Variants in KCNQ1 observed in about 807,000 individuals in gnomAD.
KCNQ1 encodes potassium voltage-gated channel subfamily Q member 1.
KCNQ1 carries 49 observed loss-of-function variants against 72.4 expected under a neutral mutation model. The ratio of observed to expected loss-of-function variants is 0.68; its 90% CI spans 0.54 to 0.86. The LOEUF is 0.86. Among genes scored for constraint, KCNQ1 ranks in the 40% least tolerant of loss-of-function variants. The pLI, the probability that KCNQ1 is intolerant of heterozygous loss-of-function variation, is 0.00. For synonymous variants in KCNQ1, 450 were observed against 412.6 expected (o/e 1.09, Z -1.10); for missense variants, 790 against 945.1 (o/e 0.84, Z 2.15).
At chr11:2,500,205 C>T (rs1379071933) in intron 1 of KCNQ1, among the ~76,000 whole-genome samples, 1 of 152,004 alleles carries the variant, frequency 6.6e-6, no homozygotes, top group Non-Finnish European at 1.5e-5. Context: ...GTTTGTAGTT[C>T]TCCTTGAAGA....
rs776978576 is a variant in KCNQ1 at position 2,631,425 on chromosome 11, T to TG, written c.1394-30535dup. ...CTATATTCTTCACCTCCAAAATGTTTGTTTTTTTTTTAGGATTTCTATTTC... is the reference window on the plus strand; with the variant it reads ...CTATATTCTTCACCTCCAAAATGTTTGGTTTTTTTTTTAGGATTTCTATTTC... On this transcript the variant is annotated intron_variant, in intron 10 of 15. Transcript: ENST00000155840. The TG allele has an allele frequency of 4.2e-4, 168 of 398,158 alleles. No homozygotes were observed. Among genetic ancestry groups the TG allele is most frequent in the Admixed American group, 7.5e-4 (17 of 22,694 alleles). The allele number at this position is 398,158 out of a possible 1,614,324, so 24.7% of individuals were successfully genotyped here.
intron 15 of KCNQ1, among the ~76,000 whole-genome samples, chr11:2,814,299 A>G (rs576427529): frequency 6.7e-4 from 96 of 142,416 alleles, no homozygotes; most frequent in Admixed American, 4.8e-4. Flanking sequence ...GGATGGATGG[A>G]TGGATAGATG....
At position 2,617,416 on chromosome 11, in the gene KCNQ1, T is replaced by G. The variant is rs572284450; in HGVS notation, c.1393+28562T>G. On this transcript the variant is annotated intron_variant, in intron 10 of 15. Coordinates refer to ENST00000155840, the MANE Select transcript of KCNQ1 (RefSeq NM_000218.3). The surrounding 1 kb of genome is among the most constrained non-coding windows in gnomAD (Gnocchi z 4.6). ...CAAGTGGCAGGATCTCCTTTTTTAATGCGGAATAATATTCCATTGTAGACA... is the reference window on the plus strand; with the variant it reads ...CAAGTGGCAGGATCTCCTTTTTTAAGGCGGAATAATATTCCATTGTAGACA... The G allele has an allele frequency of 7.5e-6, 3 of 398,496 alleles. No homozygotes were observed. The highest frequency in any genetic ancestry group is 1.3e-5 in the Non-Finnish European group (3 of 225,966). The allele number at this position is 398,496 out of a possible 1,614,324, so 24.7% of individuals were successfully genotyped here.
In KCNQ1 at chr11:2,450,432, C is replaced by G. The variant is rs1037913266; in HGVS notation, c.386+4948C>G. Among the ~76,000 whole-genome samples, 1 of 152,168 alleles carries G rather than the reference C, an allele frequency of 6.6e-6. No individual in the cohort carries two copies. The highest frequency in any genetic ancestry group is 1.5e-5 in the Non-Finnish European group (1 of 68,018). On this transcript the variant is annotated intron_variant, in intron 1 of 15. Transcript: ENST00000155840. This position sits in a 1 kb window ranked among gnomAD's most constrained non-coding sequence, Gnocchi z 7.9. ...GAGGGGAGAATGAGGCAATGAATAT[C>G]ACCATCCTGGGCCACTTTGACCCAG...
Position 2,633,961 on chromosome 11 carries a change from A to G in KCNQ1, c.1394-28000A>G, listed in dbSNP as rs562519737. The G allele has an allele frequency of 1.8e-5, 7 of 398,592 alleles. No homozygotes were observed. In the East Asian group the frequency reaches 2.5e-4, roughly 14 times the overall value. 24.7% of individuals were successfully genotyped at this position (398,592 alleles called of 1,614,324 possible). On this transcript the variant is annotated intron_variant, in intron 10 of 15. Coordinates refer to ENST00000155840, the MANE Select transcript of KCNQ1 (RefSeq NM_000218.3). ...GGAAAATCCACGTATAAATGAACCT[A>G]TACAGTTCAAATCTATGTTGTTGAA...
rs922741227 is a variant in KCNQ1 at position 2,602,748 on chromosome 11, A to C, written c.1393+13894A>C. Among the ~76,000 whole-genome samples the C allele has an allele frequency of 1.3e-5, 2 of 152,030 alleles. No individual in the cohort carries two copies. Among genetic ancestry groups the C allele is most frequent in the Non-Finnish European group, 2.9e-5 (2 of 68,004 alleles). On this transcript the variant is annotated intron_variant, in intron 10 of 15. Transcript: ENST00000155840. The surrounding 1 kb of genome is among the most constrained non-coding windows in gnomAD (Gnocchi z 4.8). The stretch of plus-strand genomic sequence containing the variant: ...ATGCAGTGAAATTCTTGTTGATATC[A>C]TTTTTCCATTTCCCAATTAGACTTT...
intron 15 of KCNQ1, among the ~76,000 whole-genome samples, chr11:2,839,117 G>A (rs1227852059): frequency 6.6e-6 from 1 of 152,218 alleles, no homozygotes; most frequent in Non-Finnish European, 1.5e-5. Flanking sequence ...CCGGGCTAGG[G>A]ATAGGCCAGC....
chr11:2,630,515 G>C (rs1292410692), intron 10 of KCNQ1: 2 of 398,002 alleles, frequency 5.0e-6, no homozygotes, highest in Non-Finnish European at 8.9e-6. Flanking sequence ...ATGCCCCAAG[G>C]TACACCTTTT....
intron 15 of KCNQ1, among the ~76,000 whole-genome samples, chr11:2,800,467 G>T (rs551889965): frequency 6.6e-6 from 1 of 152,170 alleles, no homozygotes; most frequent in African/African-American, 2.4e-5. Flanking sequence ...GCCTCACCTC[G>T]GCCCAAACCT....
At position 2,734,741 on chromosome 11, in the gene KCNQ1, C is replaced by G. The variant is rs1590059758; in HGVS notation, c.1515-34103C>G. On this transcript the variant is annotated intron_variant, in intron 11 of 15. Coordinates refer to ENST00000155840, the MANE Select transcript of KCNQ1 (RefSeq NM_000218.3). This position sits in a 1 kb window ranked among gnomAD's most constrained non-coding sequence, Gnocchi z 7.0. ...GTAATCCTGGAAGCTGCTATGTAGA[C>G]AGAAGCGAGGGCAAGACCACCGCTC... Among the ~76,000 whole-genome samples, 2 of 151,768 alleles carry G rather than the reference C, an allele frequency of 1.3e-5. No homozygotes were observed. Among genetic ancestry groups the G allele is most frequent in the East Asian group, 3.9e-4 (2 of 5,152 alleles).
chr11:2,763,350 G>A (rs1846440136), intron 11 of KCNQ1, among the ~76,000 whole-genome samples: 1 of 149,528 alleles, frequency 6.7e-6, no homozygotes, highest in Non-Finnish European at 1.5e-5. Context: ...GATCACTTGA[G>A]CCCAGGAGTT....
chr11:2,461,895 T>TG (rs1230769726), intron 1 of KCNQ1: 2 of 435,688 alleles, frequency 4.6e-6, no homozygotes, highest in Non-Finnish European at 4.2e-6. Flanking sequence ...GAGAAATGGA[T>TG]GGGGCATGCT....
chr11:2,732,845 C>T (rs886910205), intron 11 of KCNQ1, among the ~76,000 whole-genome samples: 6 of 152,220 alleles, frequency 3.9e-5, no homozygotes, highest in South Asian at 2.1e-4. Flanking sequence ...GGAGGGGACC[C>T]CTGCCCTGGC....
In KCNQ1 at chr11:2,809,324, G is replaced by A. The variant is rs1194629868; in HGVS notation, c.1794+31287G>A. 2.0e-5 allele frequency among the ~76,000 whole-genome samples: 3 copies of A among 152,136 alleles called. No individual in the cohort carries two copies. Among genetic ancestry groups the A allele is most frequent in the East Asian group, 1.9e-4 (1 of 5,196 alleles). On this transcript the variant is annotated intron_variant, in intron 15 of 15. Coordinates refer to ENST00000155840, the MANE Select transcript of KCNQ1 (RefSeq NM_000218.3). The surrounding 1 kb of genome is among the most constrained non-coding windows in gnomAD (Gnocchi z 7.1). ...GGTTAAGGAAAATAAAATGTGGGAC[G>A]CTGGACTCATCGTGGGTTTTTGCGG...
intron 2 of KCNQ1, among the ~76,000 whole-genome samples, chr11:2,553,554 A>T (rs1056869595): frequency 6.6e-6 from 1 of 152,172 alleles, no homozygotes; most frequent in African/African-American, 2.4e-5. Flanking sequence ...TCTCAATCAA[A>T]TTCTTTCTTA....
intron 2 of KCNQ1, 47 bp from the exon 3 acceptor site, chr11:2,570,581 T>C (rs1343183199): frequency 6.2e-7 from 1 of 1,607,366 alleles, no homozygotes; most frequent in Non-Finnish European, 8.5e-7. Flanking sequence ...CTGAAGCCAC[T>C]CAAGGCCGAG....
intron 2 of KCNQ1, 152 bp downstream of exon 2, chr11:2,528,170 GC>G: frequency 1.3e-6 from 1 of 742,600 alleles, no homozygotes; most frequent in Non-Finnish European, 2.4e-6. Context: ...CACCTCCCCA[GC>G]CCCCACACTT....
intron 15 of KCNQ1, among the ~76,000 whole-genome samples, chr11:2,802,044 G>A (rs148780890): frequency 2.0e-5 from 3 of 152,348 alleles, no homozygotes; most frequent in Non-Finnish European, 2.9e-5. Flanking sequence ...AGGCGATTTC[G>A]CCAGCTGCGG....
At position 2,687,570 on chromosome 11, in the gene KCNQ1, CCT is replaced by C. The variant is rs1850512262; in HGVS notation, c.1514+25490_1514+25491del. On this transcript the variant is annotated intron_variant, in intron 11 of 15. Coordinates refer to ENST00000155840, the MANE Select transcript of KCNQ1 (RefSeq NM_000218.3). This position sits in a 1 kb window ranked among gnomAD's most constrained non-coding sequence, Gnocchi z 5.0. Reference sequence around the variant, plus strand: ...CTACCACAGCCCACTCTGATGACCCCCTGTCAAGGAGGTGTGACTGAGAAAGG... The same window carrying C: ...CTACCACAGCCCACTCTGATGACCCCGTCAAGGAGGTGTGACTGAGAAAGG... 10 of 398,746 alleles carry C rather than the reference CCT, an allele frequency of 2.5e-5. No homozygotes were observed. The highest frequency in any genetic ancestry group is 1.1e-4 in the East Asian group (3 of 28,084). The allele number at this position is 398,746 out of a possible 1,614,324, so 24.7% of individuals were successfully genotyped here.
Sources: gnomAD v4.1 joint callset for allele counts (sites outside exome capture counted in the v4.1 genomes callset) on GRCh38, gnomAD v4.1.1 for gene constraint, Gnocchi (gnomAD v3.1) non-coding constraint, MANE v1.5 for transcripts, NCBI Gene and HGNC (gene_info 2026-07-23, HGNC 2026-07-21) for gene names.